The following CR1 variants were observed in gnomAD, a reference collection of about 807,000 sequenced individuals.
The protein encoded by CR1 is complement C3b/C4b receptor 1 (Knops blood group).
A neutral mutation model predicts 187.3 loss-of-function variants in CR1; 116 were observed. The ratio of observed to expected loss-of-function variants is 0.62; its 90% CI spans 0.53 to 0.72. The LOEUF (loss-of-function observed/expected upper bound fraction) is 0.72, where lower values mean the gene tolerates loss of function less well. CR1 is among the 30% of genes least tolerant of loss of function. The probability of loss-of-function intolerance (pLI) is 0.00; values close to 1 mark genes in which losing one functional copy is unlikely to be tolerated. For missense variants in CR1, 1,731 were observed against 2,110.7 expected (o/e 0.82, Z 3.52); for synonymous variants, 576 against 747.1 (o/e 0.77, Z 3.73).
chr1:207,606,795 T>C lies in CR1; in HGVS notation c.5811-456T>C, dbSNP rs557291986. Among the ~76,000 whole-genome samples the C allele has an allele frequency of 5.9e-5, 9 of 152,302 alleles. No individual in the cohort carries two copies. The South Asian group carries it at 1.7e-3, about 28-fold the overall frequency. ...GCTCTCATTTACTGACTCTTCTGGGTAAATCCATTGTTCTTTCTTTTATAC... is the reference window on the plus strand; with the variant it reads ...GCTCTCATTTACTGACTCTTCTGGGCAAATCCATTGTTCTTTCTTTTATAC... On this transcript the variant is annotated intron_variant, in intron 35 of 46. Transcript: ENST00000367049.
rs544260220 is a variant in CR1, at chr1:207,499,177, C to T, written c.121+2789C>T. Among the ~76,000 whole-genome samples the T allele has an allele frequency of 4.6e-5, 7 of 152,196 alleles. 1 individual carries two copies. The highest frequency in any genetic ancestry group is 7.4e-5 in the Non-Finnish European group (5 of 68,012). ...AGTAAATGGATAAAGATATACCATG[C>T]TAATGCTAGTCACAGAAAGCAGGAA... is the stretch of plus-strand genomic sequence containing the variant. On this transcript the variant is annotated intron_variant, in intron 1 of 46. Transcript: ENST00000367049.
chr1:207,504,530 C>T (rs11808043), intron 1 of CR1, among the ~76,000 whole-genome samples: 1 of 151,822 alleles, frequency 6.6e-6, no homozygotes, highest in Non-Finnish European at 1.5e-5. Context: ...GTACTCCCCC[C>T]AAAATCAGTA....
chr1:207,505,673 A>T (rs1659405004), intron 1 of CR1, among the ~76,000 whole-genome samples: 2 of 151,914 alleles, frequency 1.3e-5, no homozygotes, highest in African/African-American at 4.8e-5. Context: ...CATCTCTACT[A>T]AAAATACGAA....
intron 37 of CR1, among the ~76,000 whole-genome samples, chr1:207,610,451 G>T (rs1051551936): frequency 6.6e-6 from 1 of 152,144 alleles, no homozygotes; most frequent in East Asian, 1.9e-4. Flanking sequence ...CTCTGCCTCA[G>T]TCTCACAGGT....
At chr1:207,602,639 T>C (rs1191079806) in intron 35 of CR1, among the ~76,000 whole-genome samples, 1 of 152,078 alleles carries the variant, frequency 6.6e-6, no homozygotes, top group Non-Finnish European at 1.5e-5. Flanking sequence ...TTCAAAGTAG[T>C]TGTGGAAATT....
intron 23 of CR1, 26 bp downstream of exon 23, chr1:207,564,260 T>C: frequency 1.3e-6 from 2 of 1,576,326 alleles, no homozygotes; most frequent in Admixed American, 3.6e-5. Flanking sequence ...CCTGACCTGC[T>C]GGACATTGAA....
At chr1:207,586,148 T>TGC (rs1661106350) in intron 33 of CR1, among the ~76,000 whole-genome samples, 2 of 116,456 alleles carry the variant, frequency 1.7e-5, no homozygotes, top group African/African-American at 6.4e-5. Context: ...GTGTGTGTGC[T>TGC]TTTTTTGAGA....
In CR1 at chr1:207,506,049, C is replaced by T. The variant is rs763296805; in HGVS notation, c.267C>T (p.Asn89=). The part of the protein sequence containing the change: ...GRPFSIICLK[N]SVWTGAKDRC... ...CGTTTTCTATCATCTGCCTAAAAAACTCAGTCTGGACTGGTGCTAAGGACA... is the reference window on the plus strand; with the variant it reads ...CGTTTTCTATCATCTGCCTAAAAAATTCAGTCTGGACTGGTGCTAAGGACA... The change falls in exon 2 of 47, where the codon AAC becomes AAT. Residue 89 remains asparagine, a synonymous_variant. Coordinates refer to ENST00000367049, the MANE Select transcript of CR1 (RefSeq NM_000651.6). The T allele has an allele frequency of 1.2e-6, 2 of 1,613,956 alleles. No homozygotes were observed. Among genetic ancestry groups the T allele is most frequent in the Non-Finnish European group, 1.7e-6 (2 of 1,179,856 alleles).
Position 207,592,026 on chromosome 1 carries a change from G to T in CR1, c.5810+3252G>T, listed in dbSNP as rs12141931. Reference sequence around the variant, plus strand: ...AATCCTACCAGAGGTACAAAGAGGAGCTGGTACCATTCCTTCTAAACTATT... The same window carrying T: ...AATCCTACCAGAGGTACAAAGAGGATCTGGTACCATTCCTTCTAAACTATT... On this transcript the variant is annotated intron_variant, in intron 35 of 46. Transcript: ENST00000367049. Among the ~76,000 whole-genome samples, 419 of 152,274 alleles carry T rather than the reference G, an allele frequency of 2.8e-3. 4 individuals are homozygous for T. Among genetic ancestry groups the T allele is most frequent in the Non-Finnish European group, 4.0e-3 (270 of 68,022 alleles).
chr1:207,578,400 C>T (rs1469569884), intron 29 of CR1, among the ~76,000 whole-genome samples, 197 bp downstream of exon 29: 1 of 152,136 alleles, frequency 6.6e-6, no homozygotes, highest in Non-Finnish European at 1.5e-5. Context: ...AAAGCAAGAC[C>T]TTAATTAGCC....
chr1:207,505,827 C>G, intron 1 of CR1, 77 bp from the exon 2 acceptor site: 1 of 1,497,520 alleles, frequency 6.7e-7, no homozygotes, highest in Non-Finnish European at 9.0e-7. Context: ...TGGAGCCAGT[C>G]TCCGTCTCAA....
chr1:207,506,703 C>CT lies in CR1; in HGVS notation c.302-8dup. 6.2e-7 allele frequency: 1 copy of CT among 1,612,356 alleles called. No homozygotes were observed. The highest frequency in any genetic ancestry group is 1.7e-5 in the Admixed American group (1 of 59,894). ...TCTACTTGGCTCCAAAATTCTGTTT[C>CT]TTTCCTGTAGGTAAATCATGTCGTA... On this transcript the variant is annotated splice_polypyrimidine_tract_variant and intron_variant, in intron 2 of 46. Coordinates refer to ENST00000367049, the MANE Select transcript of CR1 (RefSeq NM_000651.6).
chr1:207,581,959 T>C lies in CR1; in HGVS notation c.5258T>C (p.Val1753Ala). The change falls in exon 32 of 47, where the codon GTT becomes GCT. Residue 1753 changes from valine to alanine, a missense_variant. Physicochemically the swap from Val to Ala is moderately conservative, Grantham distance 64 (BLOSUM62 0). Transcript: ENST00000367049. ...AGTTCCGTTAGTCATTGTGTCTTGGTTGGAATGAGAAGCCTTTGGAATAAC... is the reference window on the plus strand; with the variant it reads ...AGTTCCGTTAGTCATTGTGTCTTGGCTGGAATGAGAAGCCTTTGGAATAAC... The part of the protein sequence containing the change: ...KGSSVSHCVL[V>A]GMRSLWNNSV... 1 of 1,613,352 alleles carries C rather than the reference T, an allele frequency of 6.2e-7. No homozygotes were observed. The highest frequency in any genetic ancestry group is 8.5e-7 in the Non-Finnish European group (1 of 1,179,480).
chr1:207,609,061 CA>C (rs1457037672), intron 36 of CR1, among the ~76,000 whole-genome samples: 5 of 151,458 alleles, frequency 3.3e-5, no homozygotes, highest in African/African-American at 9.7e-5. Flanking sequence ...TATATAAACC[CA>C]AAAAAACATG....
chr1:207,505,873 A>T (rs1659411736), intron 1 of CR1, 31 bp from the exon 2 acceptor site: 1 of 1,578,326 alleles, frequency 6.3e-7, no homozygotes, highest in Non-Finnish European at 8.6e-7. Flanking sequence ...TTCTCCATTA[A>T]CTTTGATGCT....
chr1:207,583,458 A>G (rs1661020619), intron 32 of CR1, among the ~76,000 whole-genome samples: 1 of 152,222 alleles, frequency 6.6e-6, no homozygotes, highest in Non-Finnish European at 1.5e-5. Flanking sequence ...AAATAGGACT[A>G]TAGCTGAAGA....
chr1:207,515,396 T>C (rs1199375982), intron 4 of CR1, among the ~76,000 whole-genome samples: 2 of 151,644 alleles, frequency 1.3e-5, no homozygotes, highest in Admixed American at 1.3e-4. Flanking sequence ...TGTATCCATG[T>C]AAACGTCACT....
intron 1 of CR1, among the ~76,000 whole-genome samples, chr1:207,502,172 A>C (rs2102332023): frequency 6.6e-6 from 1 of 152,356 alleles, no homozygotes; most frequent in East Asian, 1.9e-4. Context: ...GTACAAAAAA[A>C]CACATCATCT....
At chr1:207,575,570 A>G (rs531207382) in intron 27 of CR1, 25 bp from the exon 28 acceptor site, 1 of 1,611,802 alleles carries the variant, frequency 6.2e-7, no homozygotes, top group African/African-American at 1.3e-5. Context: ...GTACAGGACA[A>G]TGATTTTCCA....
Sources: gnomAD v4.1 joint callset for allele counts (sites outside exome capture counted in the v4.1 genomes callset) on GRCh38, gnomAD v4.1.1 for gene constraint, MANE v1.5 for transcripts, NCBI Gene and HGNC (gene_info 2026-07-23, HGNC 2026-07-21) for gene names.